OFD1: variants seen among roughly 807,000 people sequenced by gnomAD.
OFD1 encodes the protein centriole and centriolar satellite protein OFD1.
Under a neutral mutation model 81.4 loss-of-function variants are expected in OFD1, and 12 were observed. The observed-to-expected ratio is 0.15, with a 90% CI of 0.09 to 0.24. OFD1 has a LOEUF of 0.24. OFD1 is among the 10% of genes least tolerant of loss of function. OFD1 has a pLI of 1.00. For synonymous variants in OFD1, 256 were observed against 263.7 expected (o/e 0.97, Z 0.28); for missense variants, 685 against 733.9 (o/e 0.93, Z 0.77).
chrX:13,737,167 C>T (rs1350575082), intron 3 of OFD1, among the ~76,000 whole-genome samples: 1 of 111,156 alleles, frequency 9.0e-6, no homozygotes, highest in Non-Finnish European at 1.9e-5. Flanking sequence ...GCACTAGTTT[C>T]TTCAGATGTT....
chrX:13,761,067 G>T lies in OFD1; in HGVS notation c.2261-18G>T. ...TGCAATTGGTAATATTCTTGCCTTG[G>T]TTCTTTCTGCACCTTAGGTCTGGGC... On this transcript the variant is annotated intron_variant, in intron 16 of 22. Transcript: ENST00000340096. 1 of 1,210,739 alleles carries T rather than the reference G, an allele frequency of 8.3e-7. No individual in the cohort carries two copies. The highest frequency in any genetic ancestry group is 1.1e-6 in the Non-Finnish European group (1 of 895,137).
Position 13,738,983 on chromosome X carries a change from A to T in OFD1, c.382-19A>T. ...ATAACTGAATAGCTGAATAAAAGTG[A>T]AATATTTTCTTTTAACAGGTTTCAG... is the stretch of plus-strand genomic sequence containing the variant. On this transcript the variant is annotated intron_variant, in intron 4 of 22. Transcript: ENST00000340096. 8.3e-7 allele frequency: 1 copy of T among 1,198,729 alleles called. No individual in the cohort carries two copies. Among genetic ancestry groups the T allele is most frequent in the Non-Finnish European group, 1.1e-6 (1 of 883,964 alleles).
the OFD1 span, among the ~76,000 whole-genome samples, chrX:13,724,796 C>T: frequency 3.6e-5 from 4 of 112,520 alleles, no homozygotes; most frequent in East Asian, 2.8e-4. Context: ...CAGGGCAGGG[C>T]GTCGCCTCAC....
chrX:13,762,404 A>G lies in OFD1; in HGVS notation c.2448A>G (p.Leu816=). 1.7e-6 allele frequency: 2 copies of G among 1,198,516 alleles called. No individual in the cohort carries two copies. Among genetic ancestry groups the G allele is most frequent in the South Asian group, 1.8e-5 (1 of 56,607 alleles). ...DKSEFSDVDK[L]AFKDNEEFES... is the part of the protein sequence containing the mutation. ...GTGAATTTTCAGATGTGGACAAGCT[A>G]GCTTTTAAGGATAATGAGGAGTTTG... Residue 816 remains leucine (L), a synonymous_variant, in exon 18 of 23, where the codon CTA becomes CTG. Coordinates refer to ENST00000340096, the MANE Select transcript of OFD1 (RefSeq NM_003611.3).
At chrX:13,715,962 T>C in the OFD1 span, 1 of 1,149,590 alleles carries the variant, frequency 8.7e-7, no homozygotes, top group Non-Finnish European at 1.2e-6. Flanking sequence ...AAAGGTCGAA[T>C]CCTTTCTCAT....
the OFD1 span, among the ~76,000 whole-genome samples, chrX:13,716,973 T>C: frequency 9.7e-6 from 1 of 103,411 alleles, no homozygotes; most frequent in Non-Finnish European, 2.0e-5. Context: ...TTTTTCATGT[T>C]TCAAGAAGGA....
rs143016744 is a variant in OFD1 at position 13,744,817 on chromosome X, C to G, written c.517+298C>G. 7.0e-3 allele frequency among the ~76,000 whole-genome samples: 788 copies of G among 112,428 alleles called. 4 individuals are homozygous for G. Among genetic ancestry groups the G allele is most frequent in the African/African-American group, 0.024 (749 of 30,975 alleles). The stretch of plus-strand genomic sequence containing the variant: ...TTAACTGGGAGGTTCTTCCTCGTGT[C>G]TTGTCTAACTTTACAGCCACCCAGT... On this transcript the variant is annotated intron_variant, in intron 6 of 22. Transcript: ENST00000340096.
intron 18 of OFD1, 107 bp downstream of exon 18, chrX:13,762,551 T>C (rs985676292): frequency 2.0e-5 from 10 of 505,377 alleles, no homozygotes; most frequent in Non-Finnish European, 3.1e-5. Context: ...ACAAATTGGG[T>C]CATTATTATT....
chrX:13,763,576 G>A (rs766764940), intron 18 of OFD1, among the ~76,000 whole-genome samples, 169 bp from the exon 19 acceptor site: 77 of 112,317 alleles, frequency 6.9e-4, no homozygotes, highest in Non-Finnish European at 1.2e-3. Flanking sequence ...AAGCAAATAC[G>A]TTGCCAAGTG....
In OFD1 at chrX:13,756,721, A is replaced by G. The variant is rs1395917057; in HGVS notation, c.1365A>G (p.Lys455=). ...TTCTGGCACAAAATAAATTACTTAA[A>G]CAACAACTGGAAGAGAGTAGAAATG... ...LELLAQNKLL[K]QQLEESRNEN... The change falls in exon 13 of 23, where the codon AAA becomes AAG. Residue 455 remains lysine (K), a synonymous_variant. Transcript: ENST00000340096. 4 of 1,209,804 alleles carry G rather than the reference A, an allele frequency of 3.3e-6. No homozygotes were observed. Among genetic ancestry groups the G allele is most frequent in the Non-Finnish European group, 4.5e-6 (4 of 893,699 alleles).
chrX:13,716,954 T>C, the OFD1 span, among the ~76,000 whole-genome samples: 1 of 105,918 alleles, frequency 9.4e-6, no homozygotes, highest in Non-Finnish European at 1.9e-5. Flanking sequence ...ATCTTTTTCA[T>C]ATAAATTTTT....
chrX:13,735,358 A>G lies in OFD1; in HGVS notation c.111+12A>G. ...TGGATACACTCAAGGTATCGGATTT[A>G]GGCGTATCTGTGTCAGCTTTTACAA... On this transcript the variant is annotated intron_variant, in intron 2 of 22. Transcript: ENST00000340096. 2 of 1,156,725 alleles carry G rather than the reference A, an allele frequency of 1.7e-6. No homozygotes were observed. The highest frequency in any genetic ancestry group is 2.4e-6 in the Non-Finnish European group (2 of 844,694).
Position 13,763,740 on chromosome X carries a change from T to C in OFD1, c.2489-5T>C. The stretch of plus-strand genomic sequence containing the variant: ...GGACTCATGGGACAATTGTGCCTCA[T>C]GCAGCTGCAGGGAACATGCCAAGGC... On this transcript the variant is annotated splice_region_variant and splice_polypyrimidine_tract_variant and intron_variant, in intron 18 of 22. Coordinates refer to ENST00000340096, the MANE Select transcript of OFD1 (RefSeq NM_003611.3). 1 of 1,200,954 alleles carries C rather than the reference T, an allele frequency of 8.3e-7. No homozygotes were observed. Among genetic ancestry groups the C allele is most frequent in the Non-Finnish European group, 1.1e-6 (1 of 885,676 alleles).
chrX:13,739,227 T>C, intron 5 of OFD1, 195 bp downstream of exon 5: 1 of 401,918 alleles, frequency 2.5e-6, no homozygotes, highest in Middle Eastern at 7.0e-4. Flanking sequence ...CTGTAGACAG[T>C]ATCAAAGGCC....
In OFD1 at chrX:13,736,482, A is replaced by G; in HGVS notation, c.116A>G (p.Gln39Arg). 5.0e-6 allele frequency: 6 copies of G among 1,210,209 alleles called. No individual in the cohort carries two copies. The highest frequency in any genetic ancestry group is 3.0e-5 in the East Asian group (1 of 33,849). Residue 39 changes from glutamine to arginine, a missense_variant, in exon 3 of 23, where the codon CAA (glutamine) becomes CGA (arginine). Gln to Arg is a conservative substitution (Grantham distance 43, BLOSUM62 1). This residue lies in a region of OFD1 where 414 missense variants were observed against 447.2 expected (regional missense o/e 0.93). Transcript: ENST00000340096. ...DRGILDTLKT[Q>R]LRNQLIHELM... ...TTTGTTTTTATTTTATGCTAGACACAACTTCGAAACCAGCTAATTCATGAG... is the reference window on the plus strand; with the variant it reads ...TTTGTTTTTATTTTATGCTAGACACGACTTCGAAACCAGCTAATTCATGAG...
At chrX:13,715,883 TG>T in the OFD1 span, 1 of 1,036,878 alleles carries the variant, frequency 9.6e-7, no homozygotes, top group African/African-American at 1.9e-5. Flanking sequence ...ATAGTTCTGA[TG>T]GGGGAAAGCT....
In OFD1 at chrX:13,763,657, G is replaced by GC. The variant is rs779953002; in HGVS notation, c.2489-87dup. On this transcript the variant is annotated intron_variant, in intron 18 of 22. Transcript: ENST00000340096. ...CAGTTACTTTGGCTTCAGTTCCCGT[G>GC]CTCCAGTCAGTTGCCCCCACACTGC... 29 of 720,671 alleles carry GC rather than the reference G, an allele frequency of 4.0e-5. No individual in the cohort carries two copies. In the East Asian group the frequency reaches 9.3e-4, roughly 23 times the overall value. 59.4% of individuals were successfully genotyped at this position (720,671 alleles called of 1,213,427 possible).
rs201675886 is a variant in OFD1, at chrX:13,736,642, T to C, written c.276T>C (p.Ser92=). Residue 92 remains serine (S), a synonymous_variant, in exon 3 of 23, where the codon TCT becomes TCC. Coordinates refer to ENST00000340096, the MANE Select transcript of OFD1 (RefSeq NM_003611.3). ...GATGTGGCTATGAATATTCACTTTC[T>C]GTTTTCTTTCCAGAAAGTGGTTTGG... is the stretch of plus-strand genomic sequence containing the variant. ...LQRCGYEYSL[S]VFFPESGLAK... 78 of 1,208,455 alleles carry C rather than the reference T, an allele frequency of 6.5e-5. No individual in the cohort carries two copies. In the African/African-American group the frequency reaches 1.1e-3, roughly 18 times the overall value.
At chrX:13,730,352 C>G (rs151204906), upstream of OFD1, among the ~76,000 whole-genome samples, 784 of 111,931 alleles carry the variant, frequency 7.0e-3, 7 homozygotes, top group African/African-American at 0.024. Context: ...AAATGCAAAT[C>G]AAAACCACAA....
Sources: allele counts gnomAD v4.1 joint callset (sites outside exome capture counted in the v4.1 genomes callset), GRCh38; gene constraint gnomAD v4.1.1; regional missense constraint gnomAD v4.1.1; transcripts MANE v1.5; gene names NCBI Gene and HGNC (gene_info 2026-07-23, HGNC 2026-07-21).